The following DOCK7 variants were observed in gnomAD, a reference collection of about 807,000 sequenced individuals.
DOCK7 encodes dedicator of cytokinesis protein 7.
Under a neutral mutation model 271.0 loss-of-function variants are expected in DOCK7, and 138 were observed. That is an observed-to-expected ratio of 0.51 (90% CI 0.44 to 0.59). The LOEUF is 0.59. Among genes scored for constraint, DOCK7 ranks in the 20% least tolerant of loss-of-function variants. The probability of loss-of-function intolerance (pLI) is 0.00; values close to 1 mark genes in which losing one functional copy is unlikely to be tolerated. For missense variants in DOCK7, 2,066 were observed against 2,592.4 expected, an observed-to-expected ratio of 0.80 and a Z score of 4.41; for synonymous variants, 823 against 876.1, an observed-to-expected ratio of 0.94 and a Z score of 1.07.
rs565668807 is a variant in DOCK7, at chr1:62,627,801, A to G, written c.1283-2400T>C. The G allele has an allele frequency of 5.9e-5, 9 of 152,344 alleles. No individual in the cohort carries two copies. In the South Asian group the frequency reaches 1.9e-3, roughly 32 times the overall value. 9.4% of individuals were successfully genotyped at this position (152,344 alleles called of 1,614,324 possible). On this transcript the variant is annotated intron_variant, in intron 11 of 49. Coordinates refer to ENST00000635253, the MANE Select transcript of DOCK7 (RefSeq NM_001367561.1). ...GATTTAAAATTGTTAAAATGGCAAC[A>G]ATCTATAAATTGACTTAGAGATTCA...
chr1:62,532,594 C>T (rs1417891148), intron 29 of DOCK7, among the ~76,000 whole-genome samples: 2 of 152,200 alleles, frequency 1.3e-5, no homozygotes, highest in African/African-American at 4.8e-5. Context: ...CTCAGCCTCG[C>T]AAAGTGTTGG....
intron 15 of DOCK7, chr1:62,584,852 C>A: frequency 1.4e-6 from 1 of 719,116 alleles, no homozygotes; most frequent in South Asian, 1.5e-5. Flanking sequence ...GTCTAACTGT[C>A]GGTATAGGAT....
At chr1:62,666,631 G>C (rs1659357417) in intron 1 of DOCK7, among the ~76,000 whole-genome samples, 2 of 152,152 alleles carry the variant, frequency 1.3e-5, no homozygotes, top group African/African-American at 4.8e-5. Flanking sequence ...ATGATCCAAA[G>C]TATGCAAGAA....
chr1:62,553,702 TA>T (rs1646033501), intron 21 of DOCK7, among the ~76,000 whole-genome samples: 1 of 151,996 alleles, frequency 6.6e-6, no homozygotes, highest in Admixed American at 6.6e-5. Flanking sequence ...ATGATTGCTG[TA>T]CAAAGATACT....
chr1:62,658,133 GACAAA>G (rs1349445103), intron 2 of DOCK7, among the ~76,000 whole-genome samples: 2 of 145,996 alleles, frequency 1.4e-5, no homozygotes, highest in African/African-American at 2.5e-5. Flanking sequence ...ACCAAATTTA[GACAAA>G]GAAAAAAAAA....
intron 18 of DOCK7, among the ~76,000 whole-genome samples, chr1:62,565,051 G>A (rs545743952): frequency 3.3e-5 from 5 of 152,200 alleles, no homozygotes; most frequent in African/African-American, 9.6e-5. Context: ...AACTGAGGCA[G>A]TAATTAATAG....
chr1:62,589,117 T>C (rs969415479), intron 14 of DOCK7, among the ~76,000 whole-genome samples: 3 of 152,174 alleles, frequency 2.0e-5, no homozygotes, highest in African/African-American at 7.2e-5. Context: ...GCATCTGGAG[T>C]ACATTTATGA....
intron 34 of DOCK7, among the ~76,000 whole-genome samples, chr1:62,509,608 A>G (rs1240355911): frequency 6.6e-6 from 1 of 152,162 alleles, no homozygotes; most frequent in Non-Finnish European, 1.5e-5. Context: ...ATAGATTTGG[A>G]CAGACGGAGA....
intron 7 of DOCK7, among the ~76,000 whole-genome samples, chr1:62,645,635 C>G (rs1656554992): frequency 6.6e-6 from 1 of 152,166 alleles, no homozygotes; most frequent in African/African-American, 2.4e-5. Flanking sequence ...TAAGAATATA[C>G]TGAAATCCAC....
rs1350995067 is a variant in DOCK7 at position 62,475,279 on chromosome 1, G to A, written c.6034C>T (p.His2012Tyr). Residue 2012 changes from histidine (H) to tyrosine (Y), a missense_variant, in exon 47 of 50, where the codon CAT becomes TAT. This residue lies in a region of DOCK7 where 652 missense variants were observed against 922.1 expected (regional missense o/e 0.71). Transcript: ENST00000635253. ...ATTTTGGGGTCTGCGGGATCCTGAT[G>A]TGTTGCAAATGCCAACTCCTGTGTC... ...KKTQELAFAT[H>Y]QDPADPKMLQ... 1 of 1,614,058 alleles carries A rather than the reference G, an allele frequency of 6.2e-7. No homozygotes were observed. The highest frequency in any genetic ancestry group is 8.5e-7 in the Non-Finnish European group (1 of 1,179,956).
intron 14 of DOCK7, among the ~76,000 whole-genome samples, chr1:62,603,326 A>C (rs1397636619): frequency 6.6e-6 from 1 of 151,804 alleles, no homozygotes; most frequent in Non-Finnish European, 1.5e-5. Context: ...GTATTTTATA[A>C]ATACTTTAAT....
chr1:62,597,947 C>G, intron 14 of DOCK7: 1 of 1,551,236 alleles, frequency 6.4e-7, no homozygotes, highest in Admixed American at 2.2e-5. Context: ...TTGAAAGCCT[C>G]CTAGAAGAAA....
chr1:62,485,956 A>G (rs1320657499), intron 43 of DOCK7: 3 of 152,614 alleles, frequency 2.0e-5, no homozygotes, highest in Non-Finnish European at 4.4e-5. Flanking sequence ...TGACAGAATG[A>G]TATTAATGTC....
chr1:62,621,869 A>C (rs1029686930), intron 12 of DOCK7, among the ~76,000 whole-genome samples: 2 of 152,222 alleles, frequency 1.3e-5, no homozygotes, highest in Non-Finnish European at 2.9e-5. Flanking sequence ...GTCCTTATTC[A>C]TAATATATTC....
chr1:62,620,059 C>T lies in DOCK7; in HGVS notation c.1426-66G>A, dbSNP rs1652958056. 5 of 1,289,498 alleles carry T rather than the reference C, an allele frequency of 3.9e-6. No homozygotes were observed. In the South Asian group the frequency reaches 5.1e-5, roughly 13 times the overall value. 79.9% of individuals were successfully genotyped at this position (1,289,498 alleles called of 1,614,324 possible). ...ATATAGCCAGGCACAGTGGCTCACG[C>T]CTGTAATCCTAGCACTTTGGGAGGC... On this transcript the variant is annotated intron_variant, in intron 12 of 49. Coordinates refer to ENST00000635253, the MANE Select transcript of DOCK7 (RefSeq NM_001367561.1).
intron 30 of DOCK7, among the ~76,000 whole-genome samples, chr1:62,528,563 T>C (rs1389263209): frequency 6.6e-6 from 1 of 152,236 alleles, no homozygotes; most frequent in Non-Finnish European, 1.5e-5. Flanking sequence ...AGGAAATTCA[T>C]TTTAGTGATC....
chr1:62,581,017 T>C (rs1647100893), intron 16 of DOCK7, among the ~76,000 whole-genome samples: 1 of 152,162 alleles, frequency 6.6e-6, no homozygotes, highest in Non-Finnish European at 1.5e-5. Flanking sequence ...CATAGATGAA[T>C]GGCTGCAAGA....
intron 12 of DOCK7, among the ~76,000 whole-genome samples, chr1:62,624,867 A>G (rs1454606140): frequency 2.0e-5 from 3 of 152,012 alleles, no homozygotes; most frequent in South Asian, 4.1e-4. Context: ...GCTACTCAGG[A>G]GGCTGAGGCA....
At chr1:62,528,434 A>G in intron 30 of DOCK7, 129 bp from the exon 31 acceptor site, 1 of 855,492 alleles carries the variant, frequency 1.2e-6, no homozygotes, top group Non-Finnish European at 1.7e-6. Flanking sequence ...CTTCTTTTGG[A>G]TAATATTTTA....
Sources: gnomAD v4.1 joint callset for allele counts (sites outside exome capture counted in the v4.1 genomes callset) on GRCh38, gnomAD v4.1.1 for gene constraint, gnomAD v4.1.1 regional missense constraint, MANE v1.5 for transcripts, NCBI Gene and HGNC (gene_info 2026-07-23, HGNC 2026-07-21) for gene names.